INSC: variants seen among roughly 807,000 people sequenced by gnomAD.
INSC encodes the protein protein inscuteable homolog.
Under a neutral mutation model 58.6 loss-of-function variants are expected in INSC, and 67 were observed. That is an observed-to-expected ratio of 1.14 (90% confidence interval 0.94 to 1.40). INSC has a LOEUF of 1.40. Among genes scored for constraint, INSC ranks in the 40% most tolerant of loss-of-function variants. INSC has a pLI of 0.00. For synonymous variants in INSC, 262 were observed against 276.1 expected, an observed-to-expected ratio of 0.95 and a Z score of 0.51; for missense variants, 714 against 692.0, an observed-to-expected ratio of 1.03 and a Z score of -0.36.
intron 5 of INSC, among the ~76,000 whole-genome samples, chr11:15,188,904 G>A (rs1346483127): frequency 1.3e-5 from 2 of 152,132 alleles, no homozygotes; most frequent in Non-Finnish European, 1.5e-5. Flanking sequence ...TGGTAATGGT[G>A]GGGAAGAATT....
intron 8 of INSC, among the ~76,000 whole-genome samples, chr11:15,222,565 C>T (rs1851485144): frequency 1.3e-5 from 2 of 152,072 alleles, no homozygotes; most frequent in African/African-American, 4.8e-5. Flanking sequence ...AGCAAGCCTG[C>T]GCCGGTACTG....
At chr11:15,131,791 A>G (rs930161474) in intron 1 of INSC, among the ~76,000 whole-genome samples, 1 of 152,080 alleles carries the variant, frequency 6.6e-6, no homozygotes, top group Non-Finnish European at 1.5e-5. Flanking sequence ...TTTTTATGGT[A>G]TATCTTTTGT....
intron 2 of INSC, among the ~76,000 whole-genome samples, chr11:15,169,020 C>T (rs16931129): frequency 1.3e-5 from 2 of 152,120 alleles, no homozygotes; most frequent in East Asian, 1.9e-4. Flanking sequence ...CTCTTCCTAC[C>T]CTTATGCCAG....
intron 6 of INSC, among the ~76,000 whole-genome samples, chr11:15,198,121 T>C (rs1363978870): frequency 2.0e-5 from 3 of 152,150 alleles, no homozygotes; most frequent in Non-Finnish European, 4.4e-5. Context: ...ACCTCTTTCA[T>C]GAGGATATAA....
intron 7 of INSC, among the ~76,000 whole-genome samples, chr11:15,209,804 G>C (rs1305012528): frequency 6.6e-6 from 1 of 152,212 alleles, no homozygotes; most frequent in African/African-American, 2.4e-5. Context: ...CCACAGGGCT[G>C]AGACCAGAAT....
intron 5 of INSC, among the ~76,000 whole-genome samples, chr11:15,188,764 T>C (rs913242145): frequency 6.6e-6 from 1 of 152,274 alleles, no homozygotes; most frequent in Non-Finnish European, 1.5e-5. Context: ...AATTGTTTAA[T>C]GTAATGCTAA....
chr11:15,178,570 C>T, intron 5 of INSC, 123 bp downstream of exon 5: 5 of 1,190,584 alleles, frequency 4.2e-6, no homozygotes, highest in Non-Finnish European at 5.7e-6. Flanking sequence ...AAACATCTTA[C>T]TCAAACCACC....
Position 15,240,486 on chromosome 11 carries a change from A to G in INSC, c.1433A>G (p.Glu478Gly). Reference protein sequence around the residue: ...RLIELCRSPSERNSSDAVLVA... With the variant: ...RLIELCRSPSGRNSSDAVLVA... ...ATCGAGCTCTGCAGATCCCCATCAG[A>G]GAGGAACAGCAGTGACGCCGTGCTT... is the stretch of plus-strand genomic sequence containing the variant. The change falls in exon 12 of 13, where the codon GAG (glutamate) becomes GGG (glycine). Residue 478 changes from glutamate to glycine, a missense_variant. Coordinates refer to ENST00000379556, the MANE Select transcript of INSC (RefSeq NM_001042536.3). 6.2e-7 allele frequency: 1 copy of G among 1,613,838 alleles called. No homozygotes were observed. Among genetic ancestry groups the G allele is most frequent in the African/African-American group, 1.3e-5 (1 of 74,964 alleles).
chr11:15,168,580 C>A (rs1849282782), intron 2 of INSC, among the ~76,000 whole-genome samples: 1 of 152,058 alleles, frequency 6.6e-6, no homozygotes, highest in South Asian at 2.1e-4. Context: ...TTGAGTGTCC[C>A]CTTTTGTGCC....
At chr11:15,122,333 G>A (rs1348693272) in intron 1 of INSC, among the ~76,000 whole-genome samples, 1 of 152,160 alleles carries the variant, frequency 6.6e-6, no homozygotes, top group Non-Finnish European at 1.5e-5. Context: ...CCTGGAGATT[G>A]TTTTAATTAT....
chr11:15,199,103 G>A (rs1166746478), intron 6 of INSC, among the ~76,000 whole-genome samples: 2 of 152,072 alleles, frequency 1.3e-5, no homozygotes, highest in Non-Finnish European at 2.9e-5. Context: ...AAAATTGTCT[G>A]CCTTCTCTAT....
chr11:15,112,532 G>GGGAGTCCA (rs550019680), upstream of INSC: 4 of 1,610,414 alleles, frequency 2.5e-6, no homozygotes, highest in Admixed American at 3.4e-5. Flanking sequence ...GGGGTCTATG[G>GGGAGTCCA]GGAGTCCAGG....
chr11:15,208,016 G>A lies in INSC; in HGVS notation c.819+7067G>A, dbSNP rs560963347. ...CCCATTAGGTGAATGGTGTCATAGTGTGCAGATCCCAAAGCAAAGCTACTA... is the reference window on the plus strand; with the variant it reads ...CCCATTAGGTGAATGGTGTCATAGTATGCAGATCCCAAAGCAAAGCTACTA... On this transcript the variant is annotated intron_variant, in intron 7 of 12. Transcript: ENST00000379556. Among the ~76,000 whole-genome samples the A allele has an allele frequency of 3.6e-3, 544 of 152,270 alleles. 1 individual carries two copies. The highest frequency in any genetic ancestry group is 0.012 in the African/African-American group (517 of 41,542).
At chr11:15,171,973 G>A (rs1346309515) in intron 2 of INSC, among the ~76,000 whole-genome samples, 3 of 152,196 alleles carry the variant, frequency 2.0e-5, no homozygotes, top group African/African-American at 2.4e-5. Flanking sequence ...ACTAGACATG[G>A]CCACAGATGG....
At chr11:15,245,315 G>T (rs1390804800) in intron 12 of INSC, among the ~76,000 whole-genome samples, 1 of 152,112 alleles carries the variant, frequency 6.6e-6, no homozygotes, top group Non-Finnish European at 1.5e-5. Context: ...GGAGGAGGGG[G>T]TATAGCTCAG....
chr11:15,161,504 A>G (rs1418937893), intron 2 of INSC, among the ~76,000 whole-genome samples: 4 of 152,186 alleles, frequency 2.6e-5, no homozygotes, highest in African/African-American at 4.8e-5. Context: ...AGCTCAGAGG[A>G]AAAGGGGGCA....
At chr11:15,244,876 A>T (rs1852500021) in intron 12 of INSC, among the ~76,000 whole-genome samples, 1 of 152,196 alleles carries the variant, frequency 6.6e-6, no homozygotes, top group African/African-American at 2.4e-5. Flanking sequence ...ATTAATATTT[A>T]TCAAGCACTT....
chr11:15,256,391 G>T, the INSC span, among the ~76,000 whole-genome samples: 2 of 152,104 alleles, frequency 1.3e-5, no homozygotes, highest in Non-Finnish European at 2.9e-5. Flanking sequence ...TTTAGATGGT[G>T]CATCTTGAGA....
At chr11:15,197,671 A>G (rs1217294898) in intron 6 of INSC, among the ~76,000 whole-genome samples, 3 of 152,200 alleles carry the variant, frequency 2.0e-5, no homozygotes, top group African/African-American at 7.2e-5. Context: ...GTTCCTCTGA[A>G]GGCTAAAGAA....
Sources: gnomAD v4.1 joint callset for allele counts (sites outside exome capture counted in the v4.1 genomes callset) on GRCh38, gnomAD v4.1.1 for gene constraint, MANE v1.5 for transcripts, NCBI Gene and HGNC (gene_info 2026-07-23, HGNC 2026-07-21) for gene names.